Variants in NAGA observed in about 807,000 individuals in gnomAD.
NAGA encodes the protein alpha-N-acetylgalactosaminidase, also known as Acetylgalactosaminidase, alpha-N- (alpha-galactosidase B).
NAGA carries 42 observed loss-of-function variants against 45.6 expected under a neutral mutation model. The observed-to-expected ratio is 0.92, with a 90% CI of 0.72 to 1.19. The LOEUF is 1.19. Ranked by LOEUF, NAGA falls within the 50% of genes most tolerant of loss-of-function variation. NAGA has a pLI of 0.00. For synonymous variants in NAGA, 176 were observed against 203.1 expected (o/e 0.87, Z 1.13); for missense variants, 493 against 544.8 (o/e 0.90, Z 0.95).
chr22:42,068,219 A>AG (rs1451469501), intron 2 of NAGA, among the ~76,000 whole-genome samples: 1 of 152,132 alleles, frequency 6.6e-6, no homozygotes, highest in Non-Finnish European at 1.5e-5. Context: ...GGTCCATGTA[A>AG]GGTCCCTGCC....
rs923435337 is a variant in NAGA at position 42,060,421 on chromosome 22, G to A, written c.1102-8C>T. 3 of 1,612,590 alleles carry A rather than the reference G, an allele frequency of 1.9e-6. No individual in the cohort carries two copies. Among genetic ancestry groups the A allele is most frequent in the Admixed American group, 1.7e-5 (1 of 60,006 alleles). On this transcript the variant is annotated splice_region_variant and splice_polypyrimidine_tract_variant and intron_variant, in intron 8 of 8. Transcript: ENST00000396398. Reference sequence around the variant, plus strand: ...TGAGTAGACGTCCTGGGCCTGCAGTGGGGAGGGACATCACCAATGCCACCA... The same window carrying A: ...TGAGTAGACGTCCTGGGCCTGCAGTAGGGAGGGACATCACCAATGCCACCA...
In NAGA at chr22:42,070,727, A is replaced by G. The variant is rs769815252; in HGVS notation, c.-430T>C. ...CCGGGTTCCCGCCCTGGGCTCCCCA[A>G]AACCGCAGAGCCCCCTCCCACCGCA... On this transcript the variant is annotated 5_prime_UTR_variant, in exon 1 of 9. Transcript: ENST00000396398. The G allele has an allele frequency of 3.2e-6, 1 of 312,096 alleles. No homozygotes were observed. Among genetic ancestry groups the G allele is most frequent in the Admixed American group, 4.4e-5 (1 of 22,882 alleles). The allele number at this position is 312,096 out of a possible 1,614,324, so 19.3% of individuals were successfully genotyped here. A position where few individuals can be genotyped will look rare whatever the true frequency, so the allele number is the denominator to read the frequency against.
At position 42,059,587 on chromosome 22, in the gene NAGA, T is replaced by TC. The variant is rs1926242121; in HGVS notation, c.*691dup. 1 of 153,218 alleles carries TC rather than the reference T, an allele frequency of 6.5e-6. No homozygotes were observed. The highest frequency in any genetic ancestry group is 1.5e-5 in the Non-Finnish European group (1 of 68,828). The allele number at this position is 153,218 out of a possible 1,614,324, so 9.5% of individuals were successfully genotyped here. ...GCATACCAGGCACAGCAGGGGCAGC[T>TC]CCTGGGTGTGAGGCAAGTCTGGCAT... On this transcript the variant is annotated 3_prime_UTR_variant, in exon 9 of 9. Transcript: ENST00000396398.
intron 6 of NAGA, among the ~76,000 whole-genome samples, chr22:42,063,261 A>G (rs1569457585): frequency 6.6e-6 from 1 of 152,030 alleles, no homozygotes; most frequent in East Asian, 1.9e-4. Context: ...AGTCGGCGGT[A>G]GGGGGGTGGG....
At position 42,060,122 on chromosome 22, in the gene NAGA, C is replaced by T. The variant is rs1266847197; in HGVS notation, c.*157G>A. On this transcript the variant is annotated 3_prime_UTR_variant, in exon 9 of 9. Transcript: ENST00000396398. ...CAAGAGGGTTTACGCTTGGACAGGG[C>T]ATAGAACCTGGCCGTGAGATTGCAC... The T allele has an allele frequency of 1.0e-6, 1 of 971,934 alleles. No homozygotes were observed. Among genetic ancestry groups the T allele is most frequent in the African/African-American group, 1.6e-5 (1 of 62,340 alleles). 60.2% of individuals were successfully genotyped at this position (971,934 alleles called of 1,614,324 possible). A position where few individuals can be genotyped will look rare whatever the true frequency, so the allele number is the denominator to read the frequency against.
In NAGA at chr22:42,060,928, T is replaced by C; in HGVS notation, c.1097A>G (p.Tyr366Cys). 6.2e-7 allele frequency: 1 copy of C among 1,614,106 alleles called. No individual in the cohort carries two copies. Among genetic ancestry groups the C allele is most frequent in the Non-Finnish European group, 8.5e-7 (1 of 1,180,006 alleles). Residue 366 changes from tyrosine (Y) to cysteine (C), a missense_variant, in exon 8 of 9, where the codon TAT becomes TGT. Coordinates refer to ENST00000396398, the MANE Select transcript of NAGA (RefSeq NM_000262.3). ...GQLNFTGSVI[Y>C]EAQDVYSGDI... is the part of the protein sequence containing the mutation. ...TGCAGGCAGCCGGGTGCTCACCTCA[T>C]ATATCACAGACCCGGTGAAGTTCAG...
Position 42,063,082 on chromosome 22 carries a change from G to A in NAGA, c.760-58C>T, listed in dbSNP as rs1602492780. ...ATCTCCTCAAGGAGGTAGACACAGG[G>A]ACCATCCCCAAACTTGTAGCCGAGG... On this transcript the variant is annotated intron_variant, in intron 6 of 8. Transcript: ENST00000396398. 9 of 1,536,476 alleles carry A rather than the reference G, an allele frequency of 5.9e-6. No homozygotes were observed. In the East Asian group the frequency reaches 1.8e-4, roughly 31 times the overall value.
In NAGA at chr22:42,061,951, CAAAAAA is replaced by C. The variant is rs36076400; in HGVS notation, c.957+870_957+875del. Among the ~76,000 whole-genome samples the C allele has an allele frequency of 8.5e-5, 7 of 82,398 alleles. No individual in the cohort carries two copies. The East Asian group carries it at 2.5e-3, about 30-fold the overall frequency. The allele number at this position is 82,398 out of a possible 152,430, so 54.1% of individuals were successfully genotyped here. A position where few individuals can be genotyped will look rare whatever the true frequency, so the allele number is the denominator to read the frequency against. On this transcript the variant is annotated intron_variant, in intron 7 of 8. Transcript: ENST00000396398. ...TGGGCTACAGAGTGAGACTCCATCT[CAAAAAA>C]AAAAAAAAAAAAAAGGCTTTGAGGT...
At position 42,068,668 on chromosome 22, in the gene NAGA, G is replaced by C. The variant is rs1194603569; in HGVS notation, c.17-94C>G. ...CATCTGTATGTTGCTCAGCCCTACA[G>C]AGGCTGCCTGCCTATATATAAGGGA... On this transcript the variant is annotated intron_variant, in intron 1 of 8. Transcript: ENST00000396398. 8 of 1,514,894 alleles carry C rather than the reference G, an allele frequency of 5.3e-6. No individual in the cohort carries two copies. In the East Asian group the frequency reaches 1.9e-4, roughly 37 times the overall value. The allele number at this position is 1,514,894 out of a possible 1,614,324, so 93.8% of individuals were successfully genotyped here. A position where few individuals can be genotyped will look rare whatever the true frequency, so the allele number is the denominator to read the frequency against.
At chr22:42,065,934 G>A (rs376659518) in intron 5 of NAGA, 35 bp from the exon 6 acceptor site, 11 of 1,610,242 alleles carry the variant, frequency 6.8e-6, no homozygotes, top group Non-Finnish European at 7.6e-6. Flanking sequence ...TCCAGCACCA[G>A]AATCACACGC....
chr22:42,060,344 T>A lies in NAGA; in HGVS notation c.1171A>T (p.Asn391Tyr). 1 of 1,613,742 alleles carries A rather than the reference T, an allele frequency of 6.2e-7. No individual in the cohort carries two copies. The highest frequency in any genetic ancestry group is 2.2e-5 in the East Asian group (1 of 44,872). The change falls in exon 9 of 9, where the codon AAC becomes TAC. Residue 391 changes from asparagine (N) to tyrosine (Y), a missense_variant. Transcript: ENST00000396398. ...RDETNFTVII[N>Y]PSGVVMWYLY... ...TACCACATCACTACCCCTGAAGGGTTGATGATCACTGTGAAGTTGGTTTCA... is the reference window on the plus strand; with the variant it reads ...TACCACATCACTACCCCTGAAGGGTAGATGATCACTGTGAAGTTGGTTTCA...
At position 42,066,740 on chromosome 22, in the gene NAGA, C is replaced by T. The variant is rs866733711; in HGVS notation, c.567G>A (p.Trp189Ter). ...TGRPIAFSCS[W>*]PAYEGGLPPR... Reference sequence around the variant, plus strand: ...GGGGGAGGCCGCCTTCATAGGCTGGCCAGCTGCAGGAGAAGGCGATGGGGC... The same window carrying T: ...GGGGGAGGCCGCCTTCATAGGCTGGTCAGCTGCAGGAGAAGGCGATGGGGC... Residue 189 changes from tryptophan to a stop codon, truncating the protein, a stop_gained, in exon 5 of 9, where the codon TGG becomes TGA. Transcript: ENST00000396398. LOFTEE classifies it high-confidence loss of function. 1.2e-6 allele frequency: 2 copies of T among 1,605,262 alleles called. No homozygotes were observed. Among genetic ancestry groups the T allele is most frequent in the Admixed American group, 1.7e-5 (1 of 58,672 alleles).
Position 42,060,186 on chromosome 22 carries a change from G to C in NAGA, c.*93C>G. 1 of 1,538,170 alleles carries C rather than the reference G, an allele frequency of 6.5e-7. No individual in the cohort carries two copies. The highest frequency in any genetic ancestry group is 1.1e-5 in the South Asian group (1 of 89,042). The stretch of plus-strand genomic sequence containing the variant: ...GGGTCAGTCACCGAGCAGGCCTGGG[G>C]AGCAGAGAACCTCCCCACTTGCCCT... On this transcript the variant is annotated 3_prime_UTR_variant, in exon 9 of 9. Coordinates refer to ENST00000396398, the MANE Select transcript of NAGA (RefSeq NM_000262.3).
intron 5 of NAGA, among the ~76,000 whole-genome samples, chr22:42,066,259 A>C (rs1926722849): frequency 6.8e-6 from 1 of 147,840 alleles, no homozygotes; most frequent in Non-Finnish European, 1.5e-5. Context: ...TCTCAGCTCC[A>C]GAGGCCTGAG....
intron 7 of NAGA, among the ~76,000 whole-genome samples, chr22:42,061,821 G>A (rs567430744): frequency 1.6e-4 from 25 of 151,756 alleles, no homozygotes; most frequent in African/African-American, 5.1e-4. Context: ...GTGTGGTGGC[G>A]CACACCTGTA....
At chr22:42,067,632 A>G in intron 3 of NAGA, 133 bp downstream of exon 3, 1 of 791,012 alleles carries the variant, frequency 1.3e-6, no homozygotes, top group Non-Finnish European at 2.0e-6. Flanking sequence ...GAATAGGCCA[A>G]AAGTCGGTGT....
At chr22:42,070,142 TCTC>T (rs1388994187) in intron 1 of NAGA, 137 bp downstream of exon 1, 4 of 988,750 alleles carry the variant, frequency 4.0e-6, no homozygotes, top group Admixed American at 1.7e-5. Context: ...TGGGGAAGCA[TCTC>T]CTCCCTTCCT....
chr22:42,065,812 G>A lies in NAGA; in HGVS notation c.685C>T (p.Leu229=), dbSNP rs1304910533. The A allele has an allele frequency of 6.2e-7, 1 of 1,614,068 alleles. No individual in the cohort carries two copies. Among genetic ancestry groups the A allele is most frequent in the East Asian group, 2.2e-5 (1 of 44,886 alleles). Residue 229 remains leucine, a synonymous_variant, in exon 6 of 9, where the codon CTG becomes TTG. Coordinates refer to ENST00000396398, the MANE Select transcript of NAGA (RefSeq NM_000262.3). The stretch of plus-strand genomic sequence containing the variant: ...TCCTGGTGCTCCACGAACCAATTCA[G>A]GATGGAGAGCACGCTCCACCAGGAG... ...QDSWWSVLSI[L]NWFVEHQDIL... is the part of the protein sequence containing the mutation.
intron 7 of NAGA, among the ~76,000 whole-genome samples, chr22:42,061,971 A>AG (rs5845519): frequency 6.7e-6 from 1 of 149,050 alleles, no homozygotes; most frequent in Non-Finnish European, 1.5e-5. Context: ...AAAAAAAAAA[A>AG]GGCTTTGAGG....
Sources: allele counts gnomAD v4.1 joint callset (sites outside exome capture counted in the v4.1 genomes callset), GRCh38; gene constraint gnomAD v4.1.1; transcripts MANE v1.5; gene names NCBI Gene and HGNC (gene_info 2026-07-23, HGNC 2026-07-21).